The following SHROOM4 variants were observed in gnomAD, a reference collection of about 807,000 sequenced individuals.
SHROOM4 encodes shroom family member 4, also known as protein Shroom4.
Under a neutral mutation model 80.3 loss-of-function variants are expected in SHROOM4, and 17 were observed. The observed-to-expected ratio is 0.21, with a 90% CI of 0.14 to 0.32. SHROOM4 has a LOEUF of 0.32. Among genes scored for constraint, SHROOM4 ranks in the 10% least tolerant of loss-of-function variants. SHROOM4 has a pLI of 1.00. For missense variants in SHROOM4, 993 were observed against 1,140.3 expected (o/e 0.87, Z 1.86); for synonymous variants, 400 against 437.5 (o/e 0.91, Z 1.07).
intron 5 of SHROOM4, among the ~76,000 whole-genome samples, chrX:50,608,849 A>G (rs868992267): frequency 1.8e-5 from 2 of 111,796 alleles, no homozygotes; most frequent in South Asian, 7.5e-4. Context: ...CCATTCCCCT[A>G]TTGCCTCTCT....
intron 5 of SHROOM4, among the ~76,000 whole-genome samples, chrX:50,614,006 G>T (rs1930115646): frequency 8.9e-6 from 1 of 111,989 alleles, no homozygotes; most frequent in African/African-American, 3.2e-5. Flanking sequence ...ATGCATAGGG[G>T]AAGTTAGTTT....
In SHROOM4 at chrX:50,596,772, C is replaced by T. The variant is rs1557246755; in HGVS notation, c.4405G>A (p.Glu1469Lys). 13 of 1,210,509 alleles carry T rather than the reference C, an allele frequency of 1.1e-5. No homozygotes were observed. The highest frequency in any genetic ancestry group is 1.3e-5 in the Non-Finnish European group (12 of 895,311). ...SALIIEQREL[E>K]EKIKLGEEQL... Reference sequence around the variant, plus strand: ...TCTTCCCCGAGCTTGATCTTCTCCTCCAGCTCTCGCTGTTCAATGATGAGA... The same window carrying T: ...TCTTCCCCGAGCTTGATCTTCTCCTTCAGCTCTCGCTGTTCAATGATGAGA... The change falls in exon 9 of 9, where the codon GAG becomes AAG. Residue 1469 changes from glutamate to lysine, a missense_variant. Glu to Lys is a moderately conservative substitution (Grantham distance 56). Transcript: ENST00000376020.
intron 1 of SHROOM4, among the ~76,000 whole-genome samples, chrX:50,731,115 T>C (rs1934360631): frequency 9.0e-6 from 1 of 111,305 alleles, no homozygotes; most frequent in Admixed American, 9.6e-5. Context: ...AGGTGCTCTG[T>C]TGACTCTGTC....
At chrX:50,741,563 A>C (rs1490385043) in intron 1 of SHROOM4, among the ~76,000 whole-genome samples, 1 of 111,288 alleles carries the variant, frequency 9.0e-6, no homozygotes, top group African/African-American at 3.3e-5. Flanking sequence ...ATGATTTGTC[A>C]TTAAAAATAT....
At chrX:50,778,377 C>G (rs60360248) in intron 1 of SHROOM4, among the ~76,000 whole-genome samples, 3,332 of 112,037 alleles carry the variant, frequency 0.03, 122 homozygotes, top group African/African-American at 0.1. Flanking sequence ...GTGGCACCTT[C>G]CTACTCGAAG....
intron 3 of SHROOM4, among the ~76,000 whole-genome samples, chrX:50,636,373 C>G (rs1931358062): frequency 9.0e-6 from 1 of 111,158 alleles, no homozygotes; most frequent in Non-Finnish European, 1.9e-5. Context: ...ACAGACAGGG[C>G]TGTAATTCAG....
chrX:50,644,047 A>AT (rs1366707488), intron 2 of SHROOM4, among the ~76,000 whole-genome samples: 1 of 112,021 alleles, frequency 8.9e-6, no homozygotes, highest in Non-Finnish European at 1.9e-5. Flanking sequence ...ACTCCAGCTG[A>AT]TTTTATATAG....
chrX:50,755,062 C>T (rs1449287239), intron 1 of SHROOM4, among the ~76,000 whole-genome samples: 1 of 112,208 alleles, frequency 8.9e-6, no homozygotes, highest in Non-Finnish European at 1.9e-5. Context: ...AGTTAGTATT[C>T]CAGAAGCATT....
chrX:50,743,087 T>C (rs1250716930), intron 1 of SHROOM4, among the ~76,000 whole-genome samples: 1 of 99,500 alleles, frequency 1.0e-5, no homozygotes, highest in Non-Finnish European at 2.0e-5. Flanking sequence ...CAGTGTCCTT[T>C]TGACATAACC....
intron 2 of SHROOM4, among the ~76,000 whole-genome samples, chrX:50,642,904 C>G (rs555782621): frequency 1.8e-5 from 2 of 111,793 alleles, no homozygotes; most frequent in East Asian, 2.8e-4. Context: ...GGATACCACA[C>G]GACCCCTCCT....
chrX:50,762,126 A>C (rs1557268950), intron 1 of SHROOM4, among the ~76,000 whole-genome samples: 6 of 112,046 alleles, frequency 5.4e-5, no homozygotes, highest in Non-Finnish European at 3.8e-5. Flanking sequence ...CAAACTCAAC[A>C]GTGCAGTGTT....
At position 50,665,150 on chromosome X, in the gene SHROOM4, A is replaced by G. The variant is rs144246106; in HGVS notation, c.270-26842T>C. Among the ~76,000 whole-genome samples the G allele has an allele frequency of 4.9e-3, 546 of 111,203 alleles. 5 individuals carry two copies. The highest frequency in any genetic ancestry group is 0.015 in the African/African-American group (455 of 30,594). On this transcript the variant is annotated intron_variant, in intron 2 of 8. Transcript: ENST00000376020. Reference sequence around the variant, plus strand: ...TCAAATCAGAAAAGAGGATGCCTTCACCCAACAGATGGCTACTAATGTCTT... The same window carrying G: ...TCAAATCAGAAAAGAGGATGCCTTCGCCCAACAGATGGCTACTAATGTCTT...
intron 2 of SHROOM4, among the ~76,000 whole-genome samples, chrX:50,678,267 T>C (rs1041906074): frequency 9.0e-6 from 1 of 111,540 alleles, no homozygotes; most frequent in Non-Finnish European, 1.9e-5. Context: ...TTTCATCTAA[T>C]TAAGCTCTGA....
intron 3 of SHROOM4, among the ~76,000 whole-genome samples, chrX:50,636,009 C>T (rs1557256062): frequency 9.0e-6 from 1 of 111,369 alleles, no homozygotes; most frequent in Admixed American, 9.5e-5. Context: ...GCATGTGGCT[C>T]CCTGCCAAAA....
chrX:50,724,701 G>A (rs1557265762), intron 1 of SHROOM4, among the ~76,000 whole-genome samples: 1 of 111,713 alleles, frequency 9.0e-6, no homozygotes, highest in Non-Finnish European at 1.9e-5. Context: ...GGCTGGTCTC[G>A]AACTCCTGAC....
chrX:50,636,537 G>A (rs1469298597), intron 3 of SHROOM4, among the ~76,000 whole-genome samples: 2 of 110,550 alleles, frequency 1.8e-5, no homozygotes, highest in African/African-American at 6.6e-5. Context: ...GGGGGTACAC[G>A]TACAGGTTTG....
chrX:50,609,692 T>TGTGTGTGC (rs58411066), intron 5 of SHROOM4, among the ~76,000 whole-genome samples: 10 of 107,509 alleles, frequency 9.3e-5, no homozygotes, highest in East Asian at 2.9e-4. Flanking sequence ...TGTGTGTGTG[T>TGTGTGTGC]ATAATTTTAA....
Position 50,757,116 on chromosome X carries a change from T to C in SHROOM4, c.117+56786A>G, listed in dbSNP as rs781978480. Among the ~76,000 whole-genome samples the C allele has an allele frequency of 9.8e-5, 11 of 112,435 alleles. No individual in the cohort carries two copies. In the South Asian group the frequency reaches 4.1e-3, roughly 41 times the overall value. Reference sequence around the variant, plus strand: ...TGTTTTCTTCTAAGAGTTTTATAGTTTAAGCTCTTATACTTAGGTATATGG... The same window carrying C: ...TGTTTTCTTCTAAGAGTTTTATAGTCTAAGCTCTTATACTTAGGTATATGG... On this transcript the variant is annotated intron_variant, in intron 1 of 8. Transcript: ENST00000376020.
chrX:50,667,025 A>G (rs1036004321), intron 2 of SHROOM4, among the ~76,000 whole-genome samples: 1 of 112,123 alleles, frequency 8.9e-6, no homozygotes. Context: ...CAAGGGTGCC[A>G]GAACAGCCAA....
Sources: gnomAD v4.1 joint callset for allele counts (sites outside exome capture counted in the v4.1 genomes callset) on GRCh38, gnomAD v4.1.1 for gene constraint, MANE v1.5 for transcripts, NCBI Gene and HGNC (gene_info 2026-07-23, HGNC 2026-07-21) for gene names.